Variants in CDH13 observed in about 807,000 individuals in gnomAD.
CDH13 encodes the protein cadherin-13.
In CDH13, 24 loss-of-function variants were observed where a neutral mutation model predicts 63.8. The ratio of observed to expected loss-of-function variants is 0.38; its 90% confidence interval spans 0.27 to 0.53. The LOEUF (loss-of-function observed/expected upper bound fraction) is 0.53. Ranked by LOEUF, CDH13 falls within the 20% of genes least tolerant of loss-of-function variation. The probability of loss-of-function intolerance (pLI) is 0.85; values close to 1 mark genes in which losing one functional copy is unlikely to be tolerated. For missense variants in CDH13, 1,049 were observed against 903.1 expected (o/e 1.16, Z -2.07); for synonymous variants, 503 against 355.3 (o/e 1.42, Z -4.67).
At chr16:83,659,606 G>T (rs1348487852) in intron 8 of CDH13, among the ~76,000 whole-genome samples, 1 of 152,290 alleles carries the variant, frequency 6.6e-6, no homozygotes, top group East Asian at 1.9e-4. Context: ...ATCTCTGAAA[G>T]CAGGACCCCA....
At chr16:82,740,764 G>T (rs1261003605) in intron 1 of CDH13, among the ~76,000 whole-genome samples, 1 of 152,172 alleles carries the variant, frequency 6.6e-6, no homozygotes, top group African/African-American at 2.4e-5. Context: ...CTGGTGCTCA[G>T]TCACTTCCAC....
chr16:82,997,955 T>C (rs894744316), intron 2 of CDH13, among the ~76,000 whole-genome samples: 1 of 152,192 alleles, frequency 6.6e-6, no homozygotes, highest in Non-Finnish European at 1.5e-5. Context: ...ATAAATAATA[T>C]ATTTAACCTA....
chr16:82,795,719 C>G (rs991517098), intron 1 of CDH13, among the ~76,000 whole-genome samples: 1 of 152,142 alleles, frequency 6.6e-6, no homozygotes, highest in South Asian at 2.1e-4. Context: ...GTTCCTAATC[C>G]AGCTCACTTC....
At chr16:83,338,193 A>AC (rs982850357) in intron 5 of CDH13, among the ~76,000 whole-genome samples, 2 of 151,352 alleles carry the variant, frequency 1.3e-5, no homozygotes, top group Non-Finnish European at 2.9e-5. Context: ...TTAAAAAAAA[A>AC]AAAAAAAAAA....
chr16:83,751,011 G>C (rs964526621), intron 11 of CDH13, among the ~76,000 whole-genome samples: 4 of 151,012 alleles, frequency 2.6e-5, no homozygotes, highest in African/African-American at 9.7e-5. Flanking sequence ...CATTCTAGTA[G>C]AATAAAGATG....
chr16:82,898,961 G>C (rs1204480313), intron 2 of CDH13, among the ~76,000 whole-genome samples: 1 of 152,244 alleles, frequency 6.6e-6, no homozygotes, highest in South Asian at 2.1e-4. Flanking sequence ...CAAAACCTTG[G>C]ATGAGGCAGC....
At chr16:82,854,196 G>A (rs143180046) in intron 1 of CDH13, among the ~76,000 whole-genome samples, 122 of 152,168 alleles carry the variant, frequency 8.0e-4, no homozygotes, top group Non-Finnish European at 4.9e-4. Flanking sequence ...TCAGGATATC[G>A]AGACCACCCT....
At chr16:83,306,800 A>G (rs982221281) in intron 5 of CDH13, among the ~76,000 whole-genome samples, 1 of 152,154 alleles carries the variant, frequency 6.6e-6, no homozygotes, top group Non-Finnish European at 1.5e-5. Flanking sequence ...AACCCACCAA[A>G]ATATTTGAAG....
At chr16:83,240,312 C>G (rs977941854) in intron 5 of CDH13, among the ~76,000 whole-genome samples, 2 of 151,884 alleles carry the variant, frequency 1.3e-5, no homozygotes, top group African/African-American at 4.8e-5. Flanking sequence ...GGAAACTTTG[C>G]ATGGATTCTG....
At chr16:83,007,022 C>T (rs778753915) in intron 2 of CDH13, among the ~76,000 whole-genome samples, 1 of 151,960 alleles carries the variant, frequency 6.6e-6, no homozygotes, top group South Asian at 2.1e-4. Context: ...CTCCCGGGCT[C>T]AGGCGATTTT....
At chr16:83,013,167 T>C (rs866817509) in intron 2 of CDH13, among the ~76,000 whole-genome samples, 4 of 152,336 alleles carry the variant, frequency 2.6e-5, no homozygotes, top group South Asian at 2.1e-4. Context: ...ATGAGCGAGA[T>C]ATTCTGTTGC....
At chr16:83,786,598 A>G (rs143485412) in intron 13 of CDH13, among the ~76,000 whole-genome samples, 1 of 90,614 alleles carries the variant, frequency 1.1e-5, no homozygotes, top group South Asian at 3.2e-4. Context: ...TTATTTATTT[A>G]TTTTTTTGAG....
intron 2 of CDH13, among the ~76,000 whole-genome samples, chr16:82,974,202 G>T: frequency 6.6e-6 from 1 of 152,284 alleles, no homozygotes; most frequent in Middle Eastern, 3.4e-3. Flanking sequence ...GCCTCACAAA[G>T]TGCTAGGATT....
chr16:82,905,813 G>C (rs150204035), intron 2 of CDH13, among the ~76,000 whole-genome samples: 39 of 152,022 alleles, frequency 2.6e-4, no homozygotes, highest in African/African-American at 8.4e-4. Flanking sequence ...TGCACTTGTG[G>C]CATGTCTCGA....
At chr16:82,785,788 G>A (rs745454254) in intron 1 of CDH13, among the ~76,000 whole-genome samples, 5 of 152,180 alleles carry the variant, frequency 3.3e-5, no homozygotes, top group Admixed American at 6.5e-5. Flanking sequence ...TCGCGGTACC[G>A]CAAAAGAAAT....
At chr16:83,259,740 C>T (rs1171520389) in intron 5 of CDH13, among the ~76,000 whole-genome samples, 2 of 152,054 alleles carry the variant, frequency 1.3e-5, no homozygotes, top group Admixed American at 6.6e-5. Context: ...TGAGGAAACT[C>T]GCTTCAGTTT....
intron 3 of CDH13, among the ~76,000 whole-genome samples, chr16:83,040,688 G>C (rs1352585045): frequency 6.6e-6 from 1 of 152,074 alleles, no homozygotes; most frequent in African/African-American, 2.4e-5. Flanking sequence ...AATATCCTTT[G>C]GCAACACCCT....
chr16:82,712,665 C>T (rs2032039500), intron 1 of CDH13, among the ~76,000 whole-genome samples: 1 of 152,150 alleles, frequency 6.6e-6, no homozygotes, highest in Non-Finnish European at 1.5e-5. Context: ...ATTCCCCTGC[C>T]CCTTTTGTTT....
chr16:83,672,622 A>T (rs1368247955), intron 9 of CDH13, among the ~76,000 whole-genome samples: 1 of 151,582 alleles, frequency 6.6e-6, no homozygotes, highest in Non-Finnish European at 1.5e-5. Flanking sequence ...ACGGGGTCTC[A>T]CCAGGTTGGC....
Sources: gnomAD v4.1 joint callset for allele counts (sites outside exome capture counted in the v4.1 genomes callset) on GRCh38, gnomAD v4.1.1 for gene constraint, MANE v1.5 for transcripts, NCBI Gene and HGNC (gene_info 2026-07-23, HGNC 2026-07-21) for gene names.